BIRC6: variants seen among roughly 807,000 people sequenced by gnomAD.
The protein encoded by BIRC6 is baculoviral IAP repeat containing 6, also known as dual E2 ubiquitin-conjugating enzyme/E3 ubiquitin-protein ligase BIRC6.
A neutral mutation model predicts 503.3 loss-of-function variants in BIRC6; 98 were observed. That is an observed-to-expected ratio of 0.19 (90% CI 0.17 to 0.23). The LOEUF (loss-of-function observed/expected upper bound fraction) is 0.23. Among genes scored for constraint, BIRC6 ranks in the 10% least tolerant of loss-of-function variants. BIRC6 has a pLI of 1.00. For missense variants in BIRC6, 5,360 were observed against 5,806.0 expected, an observed-to-expected ratio of 0.92 and a Z score of 2.50; for synonymous variants, 2,240 against 2,078.7, an observed-to-expected ratio of 1.08 and a Z score of -2.11.
At chr2:32,508,633 A>G (rs2054061881) in intron 51 of BIRC6, among the ~76,000 whole-genome samples, 1 of 152,116 alleles carries the variant, frequency 6.6e-6, no homozygotes, top group Admixed American at 6.5e-5. Context: ...ACAGCGACCT[A>G]GTCTTATATG....
intron 44 of BIRC6, 40 bp downstream of exon 44, chr2:32,491,598 A>C: frequency 6.3e-7 from 1 of 1,585,020 alleles, no homozygotes; most frequent in Non-Finnish European, 8.6e-7. Flanking sequence ...CAGACTATTC[A>C]ATAAACAGTA....
chr2:32,466,972 A>G (rs1383187381), intron 26 of BIRC6, among the ~76,000 whole-genome samples: 2 of 152,078 alleles, frequency 1.3e-5, no homozygotes, highest in Non-Finnish European at 2.9e-5. Context: ...ACAAAAAATT[A>G]GCCGGGCATG....
At chr2:32,388,303 A>G (rs1386361990) in intron 3 of BIRC6, among the ~76,000 whole-genome samples, 5 of 151,136 alleles carry the variant, frequency 3.3e-5, no homozygotes, top group Admixed American at 6.6e-5. Flanking sequence ...AATCACTTGA[A>G]CCCAGGAGGC....
chr2:32,505,037 C>A lies in BIRC6; in HGVS notation c.9532C>A (p.Pro3178Thr). Residue 3178 changes from proline to threonine, a missense_variant, in exon 50 of 74, where the codon CCA becomes ACA. This residue lies in a region of BIRC6 where 267 missense variants were observed against 287.6 expected (regional missense o/e 0.93). Transcript: ENST00000421745. ...CACATCTAGCAGTCCTACTGCCCAA[C>A]CAGCTGAAGTGCTATTGCAGGCCAC... ...TITSSSPTAQ[P>T]AEVLLQATPP... is the part of the protein sequence containing the mutation. 1 of 1,613,818 alleles carries A rather than the reference C, an allele frequency of 6.2e-7. No individual in the cohort carries two copies. Among genetic ancestry groups the A allele is most frequent in the Non-Finnish European group, 8.5e-7 (1 of 1,179,796 alleles).
intron 56 of BIRC6, 106 bp from the exon 57 acceptor site, chr2:32,518,711 G>A: frequency 1.5e-6 from 2 of 1,294,090 alleles, no homozygotes. Flanking sequence ...ATTATATCTT[G>A]TAGGATTTAT....
chr2:32,501,063 C>T (rs2053133569), intron 46 of BIRC6, among the ~76,000 whole-genome samples: 1 of 152,168 alleles, frequency 6.6e-6, no homozygotes, highest in South Asian at 2.1e-4. Context: ...TTTTCTATGA[C>T]ACAAACCAGT....
chr2:32,403,188 A>C (rs1415657390), intron 8 of BIRC6, among the ~76,000 whole-genome samples: 1 of 152,210 alleles, frequency 6.6e-6, no homozygotes, highest in East Asian at 1.9e-4. Context: ...CCCCTCCCCA[A>C]GAAGTAGGAG....
chr2:32,464,299 C>T (rs1045348575), intron 24 of BIRC6, among the ~76,000 whole-genome samples: 10 of 152,114 alleles, frequency 6.6e-5, no homozygotes, highest in Non-Finnish European at 7.4e-5. Context: ...TCCTAGTTCC[C>T]AAATGCACAG....
chr2:32,505,068 C>G lies in BIRC6; in HGVS notation c.9563C>G (p.Pro3188Arg). Residue 3188 changes from proline to arginine, a missense_variant, in exon 50 of 74, where the codon CCT becomes CGT. Coordinates refer to ENST00000421745, the MANE Select transcript of BIRC6 (RefSeq NM_016252.4). ...PAEVLLQATP[P>R]HRRARSAAWS... ...GAAGTGCTATTGCAGGCCACACCTC[C>G]TCACAGAAGAGCTCGCTCTGCTGCT... 1.2e-6 allele frequency: 2 copies of G among 1,613,706 alleles called. No individual in the cohort carries two copies. Among genetic ancestry groups the G allele is most frequent in the Non-Finnish European group, 1.7e-6 (2 of 1,179,764 alleles).
rs2048892479 is a variant in BIRC6, at chr2:32,469,400, T to C, written c.6133T>C (p.Ser2045Pro). 1.2e-6 allele frequency: 2 copies of C among 1,612,220 alleles called. No individual in the cohort carries two copies. The highest frequency in any genetic ancestry group is 1.7e-6 in the Non-Finnish European group (2 of 1,179,144). The change falls in exon 30 of 74, where the codon TCT (serine) becomes CCT (proline). Residue 2045 changes from serine to proline, a missense_variant. Ser to Pro is a moderately conservative substitution (Grantham distance 74, BLOSUM62 -1). Transcript: ENST00000421745. ...LSLLHASNGH[S>P]VPAVLQSTFH... The stretch of plus-strand genomic sequence containing the variant: ...TGTTTTCTTTCTTGTAATAGGACAC[T>C]CTGTTCCTGCAGTTTTGCAGAGCAC...
chr2:32,478,880 A>G, intron 36 of BIRC6, 62 bp downstream of exon 36: 1 of 1,520,062 alleles, frequency 6.6e-7, no homozygotes, highest in Non-Finnish European at 9.1e-7. Context: ...TCAACTAAGA[A>G]TCTTCAAAGG....
At chr2:32,468,157 T>C in intron 28 of BIRC6, 46 bp downstream of exon 28, 1 of 1,544,104 alleles carries the variant, frequency 6.5e-7, no homozygotes, top group African/African-American at 1.4e-5. Flanking sequence ...CTTTGTATTT[T>C]ATATAATGTC....
chr2:32,454,039 T>G lies in BIRC6; in HGVS notation c.4753+97T>G, dbSNP rs139509359. 119 of 1,052,778 alleles carry G rather than the reference T, an allele frequency of 1.1e-4. No homozygotes were observed. In the African/African-American group the frequency reaches 1.8e-3, roughly 16 times the overall value. 65.2% of individuals were successfully genotyped at this position (1,052,778 alleles called of 1,614,324 possible). A position where few individuals can be genotyped will look rare whatever the true frequency, so the allele number is the denominator to read the frequency against. On this transcript the variant is annotated intron_variant, in intron 23 of 73. Transcript: ENST00000421745. ...AACATTATTTCTAATTATGTAATTT[T>G]CATTGCTGTTAAGTGGAAATTTATT...
chr2:32,545,901 G>A (rs764320861), intron 63 of BIRC6, 41 bp downstream of exon 63: 8 of 1,545,972 alleles, frequency 5.2e-6, no homozygotes, highest in South Asian at 1.1e-5. Context: ...AAAAAAACTA[G>A]ATTTAATTAG....
chr2:32,501,466 G>A (rs957381862), intron 46 of BIRC6, among the ~76,000 whole-genome samples: 12 of 152,078 alleles, frequency 7.9e-5, no homozygotes, highest in African/African-American at 1.9e-4. Flanking sequence ...GAGTCCATTC[G>A]GGTTATGTGT....
chr2:32,432,200 GAGGCCAGGAGTTTA>G (rs1207849772), intron 12 of BIRC6, among the ~76,000 whole-genome samples: 2 of 152,152 alleles, frequency 1.3e-5, no homozygotes, highest in African/African-American at 4.8e-5. Flanking sequence ...TAAATCAGTT[GAGGCCAGGAGTTTA>G]AGACCAGCCT....
intron 3 of BIRC6, among the ~76,000 whole-genome samples, chr2:32,385,749 C>T (rs917553049): frequency 6.6e-6 from 1 of 152,138 alleles, no homozygotes; most frequent in Non-Finnish European, 1.5e-5. Context: ...TGTTTTGCAC[C>T]TTACTCAAAA....
intron 33 of BIRC6, among the ~76,000 whole-genome samples, chr2:32,475,507 G>A (rs1293080878): frequency 6.6e-6 from 1 of 152,122 alleles, no homozygotes; most frequent in African/African-American, 2.4e-5. Flanking sequence ...GCATTTTTTG[G>A]TATTGACTGT....
At chr2:32,371,405 C>T (rs570173684) in intron 1 of BIRC6, among the ~76,000 whole-genome samples, 17 of 151,710 alleles carry the variant, frequency 1.1e-4, no homozygotes, top group South Asian at 1.0e-3. Context: ...GACAGAGTCT[C>T]GCTCTGTTGC....
Sources: allele counts gnomAD v4.1 joint callset (sites outside exome capture counted in the v4.1 genomes callset), GRCh38; gene constraint gnomAD v4.1.1; regional missense constraint gnomAD v4.1.1; transcripts MANE v1.5; gene names NCBI Gene and HGNC (gene_info 2026-07-23, HGNC 2026-07-21).